AOAH: variants seen among roughly 807,000 people sequenced by gnomAD.
AOAH encodes acyloxyacyl hydrolase (neutrophil).
A neutral mutation model predicts 92.2 loss-of-function variants in AOAH; 64 were observed. The observed-to-expected ratio is 0.69, with a 90% confidence interval of 0.57 to 0.86. AOAH has a LOEUF of 0.86. AOAH is among the 40% of genes least tolerant of loss of function. The pLI is 0.00. For synonymous variants in AOAH, 263 were observed against 254.5 expected, an observed-to-expected ratio of 1.03 and a Z score of -0.32; for missense variants, 656 against 694.6, an observed-to-expected ratio of 0.94 and a Z score of 0.62.
At chr7:36,628,555 T>TGAAGAATGGGATAAGGCGGAGCG (rs1160095606) in intron 6 of AOAH, among the ~76,000 whole-genome samples, 3 of 152,100 alleles carry the variant, frequency 2.0e-5, no homozygotes, top group Non-Finnish European at 2.9e-5. Flanking sequence ...AAGCAGGGAT[T>TGAAGAATGGGATAAGGCGGAGCG]GAAGAATGGG....
chr7:36,709,513 T>C (rs1304353729), intron 1 of AOAH, among the ~76,000 whole-genome samples: 4 of 152,204 alleles, frequency 2.6e-5, no homozygotes, highest in Non-Finnish European at 5.9e-5. Context: ...TCCAGTTTTA[T>C]ACTTAGTCTT....
chr7:36,716,205 G>T (rs2117008498), intron 1 of AOAH, among the ~76,000 whole-genome samples: 1 of 152,286 alleles, frequency 6.6e-6, no homozygotes, highest in East Asian at 1.9e-4. Flanking sequence ...CATTTATGCA[G>T]CCAAAAGACA....
At chr7:36,559,965 C>T (rs1181758126) in intron 13 of AOAH, among the ~76,000 whole-genome samples, 1 of 152,142 alleles carries the variant, frequency 6.6e-6, no homozygotes, top group East Asian at 1.9e-4. Flanking sequence ...TGTCAGCTAT[C>T]CCCACATCAT....
At chr7:36,547,074 T>C (rs1439131034) in intron 15 of AOAH, among the ~76,000 whole-genome samples, 1 of 152,216 alleles carries the variant, frequency 6.6e-6, no homozygotes, top group Non-Finnish European at 1.5e-5. Context: ...CCAAATCAGT[T>C]TTCCCATCTG....
Position 36,601,483 on chromosome 7 carries a change from T to C in AOAH, c.847-7053A>G, listed in dbSNP as rs116959590. 4.9e-4 allele frequency among the ~76,000 whole-genome samples: 75 copies of C among 152,310 alleles called. 1 individual carries two copies. In the East Asian group the frequency reaches 6.6e-3, roughly 13 times the overall value. Reference sequence around the variant, plus strand: ...CTCCTTCTTCATGGGACTCACCGTCTAGAGGAGCACAGACAATAAACACTT... The same window carrying C: ...CTCCTTCTTCATGGGACTCACCGTCCAGAGGAGCACAGACAATAAACACTT... On this transcript the variant is annotated intron_variant, in intron 11 of 20. Coordinates refer to ENST00000617537, the MANE Select transcript of AOAH (RefSeq NM_001637.4).
intron 8 of AOAH, among the ~76,000 whole-genome samples, chr7:36,621,111 G>A (rs1792248454): frequency 2.0e-5 from 3 of 152,192 alleles, no homozygotes; most frequent in Admixed American, 2.0e-4. Context: ...CCGCATTGTT[G>A]TGGAATGGTG....
intron 1 of AOAH, among the ~76,000 whole-genome samples, chr7:36,709,168 C>G (rs1798610896): frequency 6.6e-6 from 1 of 152,144 alleles, no homozygotes; most frequent in South Asian, 2.1e-4. Flanking sequence ...CATCAGGGAT[C>G]AAACCTTGAG....
At chr7:36,696,410 T>G (rs1458468828) in intron 1 of AOAH, among the ~76,000 whole-genome samples, 1 of 152,188 alleles carries the variant, frequency 6.6e-6, no homozygotes, top group East Asian at 1.9e-4. Flanking sequence ...ATTTCTTCAT[T>G]TCCATAAAGC....
intron 7 of AOAH, among the ~76,000 whole-genome samples, chr7:36,621,990 CAGG>C (rs1792315367): frequency 6.6e-6 from 1 of 151,976 alleles, no homozygotes; most frequent in African/African-American, 2.4e-5. Flanking sequence ...GGGCCAATAT[CAGG>C]TGGTAGGGTG....
chr7:36,572,927 C>T (rs2116603153), intron 13 of AOAH, among the ~76,000 whole-genome samples: 1 of 152,256 alleles, frequency 6.6e-6, no homozygotes, highest in Non-Finnish European at 1.5e-5. Context: ...GGAAGATGGC[C>T]CATTCAAGGT....
At chr7:36,699,352 T>C (rs1797896873) in intron 1 of AOAH, among the ~76,000 whole-genome samples, 3 of 152,104 alleles carry the variant, frequency 2.0e-5, no homozygotes, top group Non-Finnish European at 4.4e-5. Flanking sequence ...GTATGGTAGT[T>C]CTATTTTCAG....
intron 15 of AOAH, among the ~76,000 whole-genome samples, chr7:36,546,881 C>T (rs955445070): frequency 6.6e-6 from 1 of 152,148 alleles, no homozygotes; most frequent in African/African-American, 2.4e-5. Flanking sequence ...TATCCATATC[C>T]TAGAGCCTGG....
chr7:36,693,493 G>A (rs1005825296), intron 1 of AOAH, among the ~76,000 whole-genome samples: 13 of 150,354 alleles, frequency 8.6e-5, no homozygotes, highest in African/African-American at 3.2e-4. Context: ...TTCAACCACA[G>A]AATTTTATCC....
At chr7:36,690,851 T>A (rs967761752) in intron 1 of AOAH, among the ~76,000 whole-genome samples, 2 of 152,066 alleles carry the variant, frequency 1.3e-5, no homozygotes, top group Non-Finnish European at 2.9e-5. Flanking sequence ...GCCAGAGGGA[T>A]CACATCTGGC....
chr7:36,534,745 C>T (rs1396797823), intron 16 of AOAH, among the ~76,000 whole-genome samples: 2 of 152,148 alleles, frequency 1.3e-5, no homozygotes, highest in African/African-American at 4.8e-5. Flanking sequence ...TTAGAAAGTC[C>T]ATCTGGATAG....
At chr7:36,602,676 G>C (rs1205674366) in intron 11 of AOAH, among the ~76,000 whole-genome samples, 1 of 152,088 alleles carries the variant, frequency 6.6e-6, no homozygotes, top group African/African-American at 2.4e-5. Flanking sequence ...TGATACCTTT[G>C]ATTCTGTAAA....
rs534288442 is a variant in AOAH, at chr7:36,721,383, G to A, written c.127+2639C>T. Among the ~76,000 whole-genome samples the A allele has an allele frequency of 3.3e-3, 498 of 152,184 alleles. 5 individuals carry two copies. Among genetic ancestry groups the A allele is most frequent in the African/African-American group, 0.011 (471 of 41,518 alleles). ...ACCCCACTGCCTTCCTCTCTTGCTC[G>A]TCTTTTTGCCAAGAGCACTTCTCAA... On this transcript the variant is annotated intron_variant, in intron 1 of 20. Transcript: ENST00000617537.
intron 13 of AOAH, among the ~76,000 whole-genome samples, chr7:36,569,016 T>C (rs947400674): frequency 3.3e-5 from 5 of 152,132 alleles, no homozygotes; most frequent in African/African-American, 1.2e-4. Context: ...ACACAGACAC[T>C]TCCATGAAGT....
intron 1 of AOAH, among the ~76,000 whole-genome samples, chr7:36,702,640 C>T (rs966199162): frequency 2.0e-5 from 3 of 152,098 alleles, no homozygotes; most frequent in African/African-American, 4.8e-5. Context: ...AAACAATGTA[C>T]ATATCTTAAT....
Sources: gnomAD v4.1 joint callset for allele counts (sites outside exome capture counted in the v4.1 genomes callset) on GRCh38, gnomAD v4.1.1 for gene constraint, MANE v1.5 for transcripts, NCBI Gene and HGNC (gene_info 2026-07-23, HGNC 2026-07-21) for gene names.